The following TCF4 variants were observed in gnomAD, a reference collection of about 807,000 sequenced individuals.
The protein encoded by TCF4 is SL3-3 enhancer factor 2.
TCF4 carries 3 observed loss-of-function variants against 82.1 expected under a neutral mutation model. That is an observed-to-expected ratio of 0.04 (90% CI 0.02 to 0.09). The LOEUF (loss-of-function observed/expected upper bound fraction) is 0.09, where lower values mean the gene tolerates loss of function less well. Ranked by LOEUF, TCF4 falls within the 10% of genes least tolerant of loss-of-function variation. TCF4 has a pLI of 1.00. For missense variants in TCF4, 518 were observed against 852.7 expected (o/e 0.61, Z 4.89); for synonymous variants, 276 against 309.6 (o/e 0.89, Z 1.14).
intron 3 of TCF4, among the ~76,000 whole-genome samples, chr18:55,575,748 G>C (rs1387202550): frequency 6.6e-6 from 1 of 152,066 alleles, no homozygotes; most frequent in East Asian, 1.9e-4. Flanking sequence ...CAATATTTGG[G>C]GGAAGGGATG....
chr18:55,277,881 CAG>C (rs941753449), intron 9 of TCF4, among the ~76,000 whole-genome samples: 3 of 152,158 alleles, frequency 2.0e-5, no homozygotes, highest in Admixed American at 6.5e-5. Flanking sequence ...GCTCACAAAA[CAG>C]GGGACTGATG....
chr18:55,620,077 T>C (rs764301434), intron 2 of TCF4, among the ~76,000 whole-genome samples: 1 of 152,156 alleles, frequency 6.6e-6, no homozygotes, highest in African/African-American at 2.4e-5. Flanking sequence ...AAATGTTTGG[T>C]AGTTCTTCCT....
chr18:55,420,911 A>G (rs572627889), intron 5 of TCF4, among the ~76,000 whole-genome samples: 2 of 152,040 alleles, frequency 1.3e-5, no homozygotes, highest in South Asian at 2.1e-4. Flanking sequence ...AAAAAAAAAA[A>G]AAAAGAAACA....
At chr18:55,292,547 T>C (rs765085838) in intron 8 of TCF4, among the ~76,000 whole-genome samples, 2 of 152,184 alleles carry the variant, frequency 1.3e-5, no homozygotes, top group Non-Finnish European at 2.9e-5. Context: ...AAGAGAAATA[T>C]ACAGACAGGT....
At chr18:55,589,482 A>AT, upstream of TCF4, 7 of 1,055,720 alleles carry the variant, frequency 6.6e-6, no homozygotes, top group Non-Finnish European at 8.0e-6. Context: ...TGGTTTTTGC[A>AT]TTTTCCACCA....
intron 5 of TCF4, among the ~76,000 whole-genome samples, chr18:55,424,654 G>GA: frequency 6.6e-6 from 1 of 151,778 alleles, no homozygotes; most frequent in Non-Finnish European, 1.5e-5. Context: ...TACCCCATTT[G>GA]AAAAAAAACT....
chr18:55,400,521 G>A (rs879270613), intron 6 of TCF4, among the ~76,000 whole-genome samples: 1 of 152,094 alleles, frequency 6.6e-6, no homozygotes, highest in Non-Finnish European at 1.5e-5. Context: ...AGGTGGAAAT[G>A]CATTAATGAA....
intron 5 of TCF4, among the ~76,000 whole-genome samples, chr18:55,445,361 T>C (rs1003013585): frequency 3.9e-5 from 6 of 151,976 alleles, no homozygotes; most frequent in African/African-American, 1.2e-4. Context: ...TTATAATTTA[T>C]AAAGAAAAGG....
At chr18:55,481,579 T>C (rs1162623004) in intron 3 of TCF4, among the ~76,000 whole-genome samples, 2 of 152,200 alleles carry the variant, frequency 1.3e-5, no homozygotes, top group Non-Finnish European at 2.9e-5. Context: ...TCTCAGTATA[T>C]CGAAAAGATA....
chr18:55,478,249 C>T (rs1212786316), intron 3 of TCF4, among the ~76,000 whole-genome samples: 2 of 152,198 alleles, frequency 1.3e-5, no homozygotes, highest in Non-Finnish European at 2.9e-5. Context: ...TAGGAAAAAG[C>T]CGTGCCTGCC....
At chr18:55,545,068 C>G (rs377627959) in intron 3 of TCF4, among the ~76,000 whole-genome samples, 1 of 152,212 alleles carries the variant, frequency 6.6e-6, no homozygotes, top group South Asian at 2.1e-4. Context: ...TGCTGACATT[C>G]AAATCCTGGC....
intron 6 of TCF4, among the ~76,000 whole-genome samples, chr18:55,361,600 C>A (rs1410971165): frequency 6.6e-6 from 1 of 152,214 alleles, no homozygotes; most frequent in African/African-American, 2.4e-5. Context: ...AATGTCATCT[C>A]CTTGAGACTC....
chr18:55,590,038 C>T (rs2097681827), upstream of TCF4, among the ~76,000 whole-genome samples: 1 of 152,210 alleles, frequency 6.6e-6, no homozygotes, highest in Non-Finnish European at 1.5e-5. Flanking sequence ...TCGCAGGCCC[C>T]ATTTCCCTGC....
At chr18:55,559,593 C>A (rs2097337088) in intron 3 of TCF4, among the ~76,000 whole-genome samples, 1 of 150,700 alleles carries the variant, frequency 6.6e-6, no homozygotes, top group African/African-American at 2.4e-5. Flanking sequence ...ACTTAAATTA[C>A]TTGTAGCTGT....
Position 55,527,353 on chromosome 18 carries a change from T to C in TCF4, c.145+57927A>G, listed in dbSNP as rs147650800. On this transcript the variant is annotated intron_variant, in intron 3 of 19. Transcript: ENST00000354452. The stretch of plus-strand genomic sequence containing the variant: ...GCTATCTGGAAGAGTCTTTGTCCTG[T>C]GATAAAATCCACCCATTACTGTTTC... 1.8e-3 allele frequency among the ~76,000 whole-genome samples: 277 copies of C among 152,302 alleles called. 5 individuals are homozygous for C. In the East Asian group the frequency reaches 0.037, roughly 21 times the overall value.
In TCF4 at chr18:55,621,439, T is replaced by A. The variant is rs529521489; in HGVS notation, c.286+9859A>T. 2.5e-4 allele frequency among the ~76,000 whole-genome samples: 28 copies of A among 113,020 alleles called. 1 individual carries two copies. Among genetic ancestry groups the A allele is most frequent in the African/African-American group, 6.7e-4 (20 of 29,648 alleles). 74.1% of individuals were successfully genotyped at this position (113,020 alleles called of 152,430 possible). A position where few individuals can be genotyped will look rare whatever the true frequency, so the allele number is the denominator to read the frequency against. On this transcript the variant is annotated intron_variant, in intron 2 of 20. Transcript: ENST00000398339. ...ATATATTATATATAATATATAAAAA[T>A]ATATATATAATATATATAATATATA...
At chr18:55,452,857 C>T (rs1259003894) in intron 5 of TCF4, 1 of 152,178 alleles carries the variant, frequency 6.6e-6, no homozygotes, top group African/African-American at 2.4e-5. Flanking sequence ...CCATCTTCCT[C>T]TTTACAGTAT....
chr18:55,234,373 C>T lies in TCF4; in HGVS notation c.1486+175G>A. 3.6e-6 allele frequency: 3 copies of T among 836,200 alleles called. No homozygotes were observed. The South Asian group carries it at 5.2e-5, about 15-fold the overall frequency. The allele number at this position is 836,200 out of a possible 1,614,324, so 51.8% of individuals were successfully genotyped here. A position where few individuals can be genotyped will look rare whatever the true frequency, so the allele number is the denominator to read the frequency against. On this transcript the variant is annotated intron_variant, in intron 16 of 19. Transcript: ENST00000354452. ...TTGAGGAAAACAGTCCCTGGAGAAA[C>T]ACAATTAGCGGGCGAAGTTCTAAAT...
intron 8 of TCF4, among the ~76,000 whole-genome samples, chr18:55,293,569 A>G (rs2065639188): frequency 1.3e-5 from 2 of 152,214 alleles, no homozygotes; most frequent in South Asian, 4.1e-4. Context: ...GTTAATAGAT[A>G]GAGGTTCTTA....
Sources: gnomAD v4.1 joint callset for allele counts (sites outside exome capture counted in the v4.1 genomes callset) on GRCh38, gnomAD v4.1.1 for gene constraint, MANE v1.5 for transcripts, NCBI Gene and HGNC (gene_info 2026-07-23, HGNC 2026-07-21) for gene names.